Variants in TRPC5 observed in about 807,000 individuals in gnomAD.
TRPC5 encodes the protein transient receptor potential cation channel subfamily C member 5.
A neutral mutation model predicts 56.5 loss-of-function variants in TRPC5; 9 were observed. That is an observed-to-expected ratio of 0.16 (90% CI 0.10 to 0.28). The LOEUF (loss-of-function observed/expected upper bound fraction) is 0.28, where lower values mean the gene tolerates loss of function less well. TRPC5 is among the 10% of genes least tolerant of loss of function. The pLI, the probability that TRPC5 is intolerant of heterozygous loss-of-function variation, is 1.00. For missense variants in TRPC5, 469 were observed against 748.9 expected (o/e 0.63, Z 4.36); for synonymous variants, 282 against 278.5 (o/e 1.01, Z -0.13).
intron 7 of TRPC5, among the ~76,000 whole-genome samples, chrX:111,804,111 C>A (rs1392858092): frequency 8.9e-6 from 1 of 112,115 alleles, no homozygotes; most frequent in Non-Finnish European, 1.9e-5. Context: ...ATAGGGAATC[C>A]TTTCCCCATT....
chrX:111,886,444 TGC>T (rs1924498950), intron 3 of TRPC5, among the ~76,000 whole-genome samples: 1 of 112,438 alleles, frequency 8.9e-6, no homozygotes, highest in Admixed American at 9.4e-5. Context: ...AGATTATGCT[TGC>T]ATTGACACTT....
intron 1 of TRPC5, among the ~76,000 whole-genome samples, chrX:112,057,173 T>C (rs1334006581): frequency 8.9e-6 from 1 of 111,895 alleles, no homozygotes; most frequent in South Asian, 3.7e-4. Flanking sequence ...GGCAAAAATA[T>C]AGTGGGAGAA....
chrX:111,805,521 G>A (rs781092895), intron 7 of TRPC5, among the ~76,000 whole-genome samples: 2 of 111,292 alleles, frequency 1.8e-5, no homozygotes, highest in Non-Finnish European at 3.8e-5. Flanking sequence ...AGGGCATGAA[G>A]AGTACTGACA....
At chrX:112,068,668 T>C (rs927800876) in intron 1 of TRPC5, among the ~76,000 whole-genome samples, 1 of 111,344 alleles carries the variant, frequency 9.0e-6, no homozygotes, top group African/African-American at 3.3e-5. Context: ...GCTGGGACCA[T>C]GTGGAACACT....
chrX:111,923,724 T>C (rs1224972768), intron 2 of TRPC5, among the ~76,000 whole-genome samples: 1 of 111,869 alleles, frequency 8.9e-6, no homozygotes, highest in East Asian at 2.8e-4. Context: ...GCAGTTGAGA[T>C]CTGACGTTTT....
chrX:111,860,075 AT>A (rs989022876), intron 3 of TRPC5, among the ~76,000 whole-genome samples: 1 of 111,928 alleles, frequency 8.9e-6, no homozygotes, highest in Non-Finnish European at 1.9e-5. Flanking sequence ...CGACCGGCTA[AT>A]TTTTTTGTAT....
intron 7 of TRPC5, among the ~76,000 whole-genome samples, chrX:111,796,548 C>T (rs945460363): frequency 8.9e-6 from 1 of 112,031 alleles, no homozygotes; most frequent in Non-Finnish European, 1.9e-5. Flanking sequence ...TATTCTTTGT[C>T]TTATAAAGCC....
At chrX:111,838,917 T>C (rs1922645591) in intron 6 of TRPC5, among the ~76,000 whole-genome samples, 1 of 111,928 alleles carries the variant, frequency 8.9e-6, no homozygotes. Flanking sequence ...CTGGACCTAA[T>C]TCAGACCAAC....
intron 2 of TRPC5, among the ~76,000 whole-genome samples, chrX:111,921,107 A>G (rs980000098): frequency 1.4e-4 from 16 of 111,771 alleles, no homozygotes; most frequent in African/African-American, 4.6e-4. Flanking sequence ...CTATGTTTCC[A>G]ATAGCCTGTA....
intron 2 of TRPC5, among the ~76,000 whole-genome samples, chrX:111,913,563 A>G (rs1925882336): frequency 9.0e-6 from 1 of 111,600 alleles, no homozygotes; most frequent in African/African-American, 3.3e-5. Context: ...TGTTTAGTGT[A>G]AATAGCAGCT....
chrX:111,836,690 T>G (rs1922572605), intron 6 of TRPC5, among the ~76,000 whole-genome samples: 1 of 112,583 alleles, frequency 8.9e-6, no homozygotes, highest in Admixed American at 9.4e-5. Flanking sequence ...TCCGTCCCTC[T>G]CTACTATAAT....
intron 7 of TRPC5, among the ~76,000 whole-genome samples, chrX:111,805,155 A>G (rs547444539): frequency 1.1e-4 from 12 of 111,970 alleles, no homozygotes; most frequent in African/African-American, 3.9e-4. Context: ...GATTACATTT[A>G]TTGATTTGCA....
chrX:111,909,011 T>C (rs1393586253), intron 3 of TRPC5, among the ~76,000 whole-genome samples: 1 of 110,570 alleles, frequency 9.0e-6, no homozygotes, highest in Non-Finnish European at 1.9e-5. Context: ...AGGCTGGGTG[T>C]GGTGGCTTAC....
At position 112,038,720 on chromosome X, in the gene TRPC5, C is replaced by T. The variant is rs192106771; in HGVS notation, c.-22+43159G>A. Among the ~76,000 whole-genome samples the T allele has an allele frequency of 3.0e-3, 323 of 108,610 alleles. 8 individuals are homozygous for T. The East Asian group carries it at 0.036, about 12-fold the overall frequency. 94.3% of individuals were successfully genotyped at this position (108,610 alleles called of 115,157 possible). ...TTTTTGAGACAGAGTCTCGCTCTGTCGCCCAGGCTGGAGTGCAATGGCGCG... is the reference window on the plus strand; with the variant it reads ...TTTTTGAGACAGAGTCTCGCTCTGTTGCCCAGGCTGGAGTGCAATGGCGCG... On this transcript the variant is annotated intron_variant, in intron 1 of 10. Transcript: ENST00000262839.
intron 1 of TRPC5, among the ~76,000 whole-genome samples, chrX:112,052,954 T>C (rs1450587681): frequency 8.9e-6 from 1 of 111,954 alleles, no homozygotes; most frequent in Non-Finnish European, 1.9e-5. Context: ...TTCTATTCCA[T>C]TGGCATATAT....
intron 7 of TRPC5, among the ~76,000 whole-genome samples, chrX:111,807,508 A>C (rs1921552877): frequency 8.9e-6 from 1 of 112,550 alleles, no homozygotes; most frequent in South Asian, 3.7e-4. Flanking sequence ...CCCTCAAAAC[A>C]GCTATTTTGA....
At chrX:111,990,861 G>A (rs1055672804) in intron 1 of TRPC5, among the ~76,000 whole-genome samples, 4 of 111,932 alleles carry the variant, frequency 3.6e-5, no homozygotes, top group African/African-American at 1.3e-4. Context: ...AAGGAAAAAT[G>A]TTTTCTCTGC....
intron 2 of TRPC5, among the ~76,000 whole-genome samples, chrX:111,945,946 G>A (rs905121821): frequency 2.7e-5 from 3 of 112,586 alleles, no homozygotes; most frequent in Admixed American, 9.4e-5. Flanking sequence ...CCTTCAGAAA[G>A]TCTGTGTTTG....
Position 111,771,178 on chromosome X carries a change from A to C in TRPC5, c.*5135T>G, listed in dbSNP as rs1467172000. 8.9e-6 allele frequency among the ~76,000 whole-genome samples: 1 copy of C among 111,747 alleles called. No homozygotes were observed. Among genetic ancestry groups the C allele is most frequent in the African/African-American group, 3.3e-5 (1 of 30,734 alleles). ...TGTATGACAGTTGATTTCAATGATC[A>C]AAAGTTGTGGGCTGTTTATGTTCCT... On this transcript the variant is annotated 3_prime_UTR_variant, in exon 11 of 11. Transcript: ENST00000262839.
Sources: gnomAD v4.1 joint callset for allele counts (sites outside exome capture counted in the v4.1 genomes callset) on GRCh38, gnomAD v4.1.1 for gene constraint, MANE v1.5 for transcripts, NCBI Gene and HGNC (gene_info 2026-07-23, HGNC 2026-07-21) for gene names.